The following MYOZ2 variants were observed in gnomAD, a reference collection of about 807,000 sequenced individuals.
MYOZ2 encodes myozenin-2.
Under a neutral mutation model 25.4 loss-of-function variants are expected in MYOZ2, and 19 were observed. The observed-to-expected ratio is 0.75, with a 90% CI of 0.52 to 1.10. MYOZ2 has a LOEUF of 1.10. MYOZ2 is among the 50% of genes least tolerant of loss of function. The pLI, the probability that MYOZ2 is intolerant of heterozygous loss-of-function variation, is 0.00. For missense variants in MYOZ2, 270 were observed against 317.9 expected (o/e 0.85, Z 1.15); for synonymous variants, 92 against 106.9 (o/e 0.86, Z 0.86).
chr4:119,163,315 A>C (rs1232935293), intron 4 of MYOZ2, among the ~76,000 whole-genome samples: 1 of 152,174 alleles, frequency 6.6e-6, no homozygotes, highest in Admixed American at 6.5e-5. Context: ...GATGGGAAAG[A>C]GCATCAGAGA....
intron 2 of MYOZ2, among the ~76,000 whole-genome samples, chr4:119,146,320 T>C (rs1037168285): frequency 1.3e-5 from 2 of 152,022 alleles, no homozygotes; most frequent in African/African-American, 4.8e-5. Flanking sequence ...TAGACACTTA[T>C]TTATTGATTT....
At position 119,183,814 on chromosome 4, in the gene MYOZ2, C is replaced by CTT. The variant is rs34741874; in HGVS notation, c.561-2138_561-2137dup. On this transcript the variant is annotated intron_variant, in intron 5 of 5. Transcript: ENST00000307128. ...ATAGCTTCCCTCCTTCCACTGTTGT[C>CTT]TTTTTTTTTTTTTTTCCGAGACTGA... Among the ~76,000 whole-genome samples, 428 of 138,678 alleles carry CTT rather than the reference C, an allele frequency of 3.1e-3. 7 individuals are homozygous for CTT. The highest frequency in any genetic ancestry group is 0.021 in the East Asian group (99 of 4,758). The allele number at this position is 138,678 out of a possible 152,430, so 91.0% of individuals were successfully genotyped here. A position where few individuals can be genotyped will look rare whatever the true frequency, so the allele number is the denominator to read the frequency against.
intron 5 of MYOZ2, among the ~76,000 whole-genome samples, chr4:119,165,356 C>T (rs1741800934): frequency 6.6e-6 from 1 of 151,194 alleles, no homozygotes; most frequent in African/African-American, 2.4e-5. Context: ...ACAAAAAATA[C>T]AAAAATTAGC....
In MYOZ2 at chr4:119,164,252, A is replaced by G. The variant is rs1741772666; in HGVS notation, c.418A>G (p.Asn140Asp). ...PLKEIPPEKFNTTAVPKYYQS... is the reference protein window; with the variant it reads ...PLKEIPPEKFDTTAVPKYYQS... ...GAAGGAAATTCCTCCTGAAAAATTCAACACCACAGCTGTCCCTAAGTACTA... is the reference window on the plus strand; with the variant it reads ...GAAGGAAATTCCTCCTGAAAAATTCGACACCACAGCTGTCCCTAAGTACTA... Residue 140 changes from asparagine to aspartate, a missense_variant, in exon 5 of 6, where the codon AAC (asparagine) becomes GAC (aspartate). Asn to Asp is a conservative substitution (Grantham distance 23, BLOSUM62 1). Coordinates refer to ENST00000307128, the MANE Select transcript of MYOZ2 (RefSeq NM_016599.5). 6.2e-7 allele frequency: 1 copy of G among 1,613,928 alleles called. No individual in the cohort carries two copies. Among genetic ancestry groups the G allele is most frequent in the African/African-American group, 1.3e-5 (1 of 74,934 alleles).
intron 4 of MYOZ2, among the ~76,000 whole-genome samples, chr4:119,159,496 G>A (rs1741659487): frequency 6.6e-6 from 1 of 152,064 alleles, no homozygotes; most frequent in African/African-American, 2.4e-5. Context: ...CATTAAAATA[G>A]GACATCTTTC....
intron 3 of MYOZ2, among the ~76,000 whole-genome samples, chr4:119,151,774 C>T (rs1741455476): frequency 1.3e-5 from 2 of 152,044 alleles, no homozygotes; most frequent in Admixed American, 1.3e-4. Flanking sequence ...GTGCATTCGT[C>T]CTAAATTTGA....
In MYOZ2 at chr4:119,186,758, T is replaced by C. The variant is rs1478630441; in HGVS notation, c.*558T>C. 1 of 152,886 alleles carries C rather than the reference T, an allele frequency of 6.5e-6. No homozygotes were observed. Among genetic ancestry groups the C allele is most frequent in the Non-Finnish European group, 1.5e-5 (1 of 68,572 alleles). 9.5% of individuals were successfully genotyped at this position (152,886 alleles called of 1,614,324 possible). A position where few individuals can be genotyped will look rare whatever the true frequency, so the allele number is the denominator to read the frequency against. On this transcript the variant is annotated 3_prime_UTR_variant, in exon 6 of 6. Transcript: ENST00000307128. ...AGTGCTTTGCACTTTTCAATATGTT[T>C]TGAATCATTAGGTAATTTATTCTGG...
chr4:119,163,539 C>T (rs1419820287), intron 4 of MYOZ2, among the ~76,000 whole-genome samples: 1 of 152,004 alleles, frequency 6.6e-6, no homozygotes, highest in Non-Finnish European at 1.5e-5. Context: ...CAGAAAATTC[C>T]CAGCTGTTAT....
chr4:119,171,537 G>A (rs1322190635), intron 5 of MYOZ2, among the ~76,000 whole-genome samples: 1 of 151,598 alleles, frequency 6.6e-6, no homozygotes, highest in Non-Finnish European at 1.5e-5. Context: ...ATTTAAAATA[G>A]AGGCTAAAAT....
Position 119,183,964 on chromosome 4 carries a change from G to A in MYOZ2, c.561-2002G>A, listed in dbSNP as rs532304617. On this transcript the variant is annotated intron_variant, in intron 5 of 5. Transcript: ENST00000307128. Reference sequence around the variant, plus strand: ...TGAGTAGCTGGGATTACAGGCATGCGCCACCATGCCCTGCTAATTTTTTGT... The same window carrying A: ...TGAGTAGCTGGGATTACAGGCATGCACCACCATGCCCTGCTAATTTTTTGT... 1.4e-4 allele frequency among the ~76,000 whole-genome samples: 22 copies of A among 151,984 alleles called. No homozygotes were observed. In the East Asian group the frequency reaches 3.5e-3, roughly 24 times the overall value.
intron 5 of MYOZ2, among the ~76,000 whole-genome samples, chr4:119,173,902 C>G (rs1380927737): frequency 2.6e-5 from 4 of 152,230 alleles, no homozygotes; most frequent in African/African-American, 9.6e-5. Flanking sequence ...CCCTGCCGGC[C>G]CGGGGCAATG....
chr4:119,150,544 A>C (rs1741424088), intron 2 of MYOZ2, among the ~76,000 whole-genome samples: 1 of 130,362 alleles, frequency 7.7e-6, no homozygotes, highest in Admixed American at 7.9e-5. Context: ...CTATGAAGCC[A>C]TGCTATTTGC....
intron 5 of MYOZ2, among the ~76,000 whole-genome samples, chr4:119,181,556 C>T (rs1437656942): frequency 6.6e-6 from 1 of 152,178 alleles, no homozygotes. Context: ...ACTTTCATTT[C>T]CACTTACTTG....
chr4:119,161,686 C>T (rs1741713281), intron 4 of MYOZ2, among the ~76,000 whole-genome samples: 1 of 151,814 alleles, frequency 6.6e-6, no homozygotes, highest in African/African-American at 2.4e-5. Context: ...CTTGAATGTT[C>T]AAAAATGGGA....
intron 2 of MYOZ2, among the ~76,000 whole-genome samples, chr4:119,144,980 G>T (rs1741253194): frequency 6.6e-6 from 1 of 152,072 alleles, no homozygotes; most frequent in Non-Finnish European, 1.5e-5. Context: ...TCCTTTTATG[G>T]ATCATGATTT....
At position 119,186,141 on chromosome 4, in the gene MYOZ2, A is replaced by G. The variant is rs747430937; in HGVS notation, c.736A>G (p.Ile246Val). The change falls in exon 6 of 6, where the codon ATA (isoleucine) becomes GTA (valine). Residue 246 changes from isoleucine to valine, a missense_variant. Transcript: ENST00000307128. ...GGGATGGATATCTGAGAATATTCCT[A>G]TAGTGATAACAACCGAACCTACAGA... ...PKGWISENIP[I>V]VITTEPTDDT... is the part of the protein sequence containing the mutation. 6.2e-7 allele frequency: 1 copy of G among 1,614,038 alleles called. No homozygotes were observed. The highest frequency in any genetic ancestry group is 1.1e-5 in the South Asian group (1 of 91,084).
intron 3 of MYOZ2, among the ~76,000 whole-genome samples, chr4:119,155,089 G>GAGGA (rs1741544024): frequency 2.0e-5 from 3 of 152,146 alleles, no homozygotes; most frequent in Non-Finnish European, 4.4e-5. Flanking sequence ...CATGGTGAGA[G>GAGGA]AGGAAGGAAG....
At chr4:119,144,552 A>G (rs762962007) in intron 2 of MYOZ2, among the ~76,000 whole-genome samples, 13 of 152,160 alleles carry the variant, frequency 8.5e-5, no homozygotes, top group Non-Finnish European at 1.6e-4. Context: ...GTACCATTTT[A>G]TATCTTCAGC....
chr4:119,165,291 C>T (rs1256785209), intron 5 of MYOZ2, among the ~76,000 whole-genome samples: 3 of 151,608 alleles, frequency 2.0e-5, no homozygotes, highest in Non-Finnish European at 4.4e-5. Flanking sequence ...GGGTGGATCA[C>T]TTGAACCCAG....
Sources: allele counts gnomAD v4.1 joint callset (sites outside exome capture counted in the v4.1 genomes callset), GRCh38; gene constraint gnomAD v4.1.1; transcripts MANE v1.5; gene names NCBI Gene and HGNC (gene_info 2026-07-23, HGNC 2026-07-21).